CSNK2A1: variants seen among roughly 807,000 people sequenced by gnomAD.
CSNK2A1 encodes the protein casein kinase 2 alpha 1, also known as casein kinase II subunit alpha.
Under a neutral mutation model 62.9 loss-of-function variants are expected in CSNK2A1, and 10 were observed. The observed-to-expected ratio is 0.16, with a 90% CI of 0.10 to 0.27. The LOEUF (loss-of-function observed/expected upper bound fraction) is 0.27. Ranked by LOEUF, CSNK2A1 falls within the 10% of genes least tolerant of loss-of-function variation. The pLI is 1.00. For missense variants in CSNK2A1, 160 were observed against 492.0 expected, an observed-to-expected ratio of 0.33 and a Z score of 6.38; for synonymous variants, 124 against 167.8, an observed-to-expected ratio of 0.74 and a Z score of 2.02.
At chr20:490,176 C>T (rs528714474) in intron 9 of CSNK2A1, among the ~76,000 whole-genome samples, 7 of 150,038 alleles carry the variant, frequency 4.7e-5, no homozygotes, top group South Asian at 2.1e-4. Context: ...GGACTACAGG[C>T]GCGTGCCACC....
At chr20:488,894 A>C in intron 10 of CSNK2A1, 116 bp from the exon 11 acceptor site, 1 of 891,912 alleles carries the variant, frequency 1.1e-6, no homozygotes, top group South Asian at 1.7e-5. Flanking sequence ...TATGAATGCT[A>C]CCTCCTAACA....
In CSNK2A1 at chr20:499,986, A is replaced by T. The variant is rs1373211011; in HGVS notation, c.214-52T>A. ...AAAAAAAAAAAAAAAATTTTTTCAG[A>T]GTATTTCAACACGTAGTGTAATACA... On this transcript the variant is annotated intron_variant, in intron 4 of 13. Transcript: ENST00000217244. The surrounding 1 kb of genome is among the most constrained non-coding windows in gnomAD (Gnocchi z 4.2). The T allele has an allele frequency of 2.8e-6, 4 of 1,436,322 alleles. No individual in the cohort carries two copies. In the South Asian group the frequency reaches 4.7e-5, roughly 17 times the overall value. The allele number at this position is 1,436,322 out of a possible 1,614,324, so 89.0% of individuals were successfully genotyped here.
intron 4 of CSNK2A1, 67 bp from the exon 5 acceptor site, chr20:500,001 A>C: frequency 8.1e-7 from 1 of 1,235,964 alleles, no homozygotes. Context: ...TTCAACACGT[A>C]GTGTAATACA....
chr20:485,929 T>G (rs1409290245), intron 13 of CSNK2A1, among the ~76,000 whole-genome samples: 1 of 152,148 alleles, frequency 6.6e-6, no homozygotes, highest in African/African-American at 2.4e-5. Context: ...TGGAAAACCA[T>G]TTTACTTATG....
intron 13 of CSNK2A1, among the ~76,000 whole-genome samples, chr20:486,020 A>G (rs1600368644): frequency 6.6e-6 from 1 of 152,368 alleles, no homozygotes; most frequent in East Asian, 1.9e-4. Flanking sequence ...ACCTATGTAT[A>G]AACCCCACCT....
intron 1 of CSNK2A1, among the ~76,000 whole-genome samples, chr20:534,872 A>C (rs1292151217): frequency 6.8e-6 from 1 of 148,054 alleles, no homozygotes; most frequent in African/African-American, 2.5e-5. Context: ...CTACTAAAAT[A>C]CAAAAAAAAA....
chr20:502,915 C>G (rs2018500471), intron 4 of CSNK2A1: 1 of 152,224 alleles, frequency 6.6e-6, no homozygotes, highest in Admixed American at 6.5e-5. Context: ...CACTTCCACC[C>G]AACACCTATC....
At chr20:525,423 C>A (rs529327371) in intron 2 of CSNK2A1, among the ~76,000 whole-genome samples, 8 of 151,902 alleles carry the variant, frequency 5.3e-5, no homozygotes, top group Non-Finnish European at 1.2e-4. Flanking sequence ...GAGGCTGAGG[C>A]GGGCGGATCA....
intron 7 of CSNK2A1, chr20:496,771 C>T (rs1228238851): frequency 6.6e-6 from 1 of 152,220 alleles, no homozygotes; most frequent in Non-Finnish European, 1.5e-5. Context: ...TTCTAGGAAG[C>T]TGATCTTGTG....
chr20:517,824 C>T (rs948110653), intron 2 of CSNK2A1, among the ~76,000 whole-genome samples: 2 of 152,104 alleles, frequency 1.3e-5, no homozygotes, highest in Non-Finnish European at 2.9e-5. Context: ...TAAAAAAGCA[C>T]CTGATGTGCT....
chr20:541,240 A>C lies in CSNK2A1; in HGVS notation c.-227+2432T>G, dbSNP rs149358373. ...ATTCGGCCCACCCAGAAAATCCAGG[A>C]TAATTTTTCTATTTTAAGATTCTTA... is the stretch of plus-strand genomic sequence containing the variant. On this transcript the variant is annotated intron_variant, in intron 1 of 13. Coordinates refer to ENST00000217244, the MANE Select transcript of CSNK2A1 (RefSeq NM_177559.3). 3.3e-5 allele frequency: 5 copies of C among 152,132 alleles called. No homozygotes were observed. In the East Asian group the frequency reaches 7.7e-4, roughly 23 times the overall value. 9.4% of individuals were successfully genotyped at this position (152,132 alleles called of 1,614,324 possible).
chr20:499,952 C>T lies in CSNK2A1; in HGVS notation c.214-18G>A. ...TTTACTGGCTGAAAGGGGAAAAGTA[C>T]ATCAGCAAAAAAAAAAAAAAAAAAT... is the stretch of plus-strand genomic sequence containing the variant. On this transcript the variant is annotated intron_variant, in intron 4 of 13. Coordinates refer to ENST00000217244, the MANE Select transcript of CSNK2A1 (RefSeq NM_177559.3). This position sits in a 1 kb window ranked among gnomAD's most constrained non-coding sequence, Gnocchi z 4.2. The T allele has an allele frequency of 8.3e-7, 1 of 1,201,896 alleles. No homozygotes were observed. The highest frequency in any genetic ancestry group is 1.2e-6 in the Non-Finnish European group (1 of 854,536). 74.5% of individuals were successfully genotyped at this position (1,201,896 alleles called of 1,614,324 possible).
At chr20:493,924 T>C (rs1280263652) in intron 8 of CSNK2A1, among the ~76,000 whole-genome samples, 2 of 152,222 alleles carry the variant, frequency 1.3e-5, no homozygotes, top group Non-Finnish European at 2.9e-5. Flanking sequence ...TCATACTTCT[T>C]TCCTTTTTAT....
chr20:510,297 TC>T (rs1376920927), intron 2 of CSNK2A1: 1 of 151,996 alleles, frequency 6.6e-6, no homozygotes, highest in African/African-American at 2.4e-5. Context: ...TGCCTCAGCC[TC>T]CCGAGTAGCT....
In CSNK2A1 at chr20:499,777, C is replaced by T; in HGVS notation, c.315+56G>A. On this transcript the variant is annotated intron_variant, in intron 5 of 13. Transcript: ENST00000217244. The surrounding 1 kb of genome is among the most constrained non-coding windows in gnomAD (Gnocchi z 4.2). The stretch of plus-strand genomic sequence containing the variant: ...GGAACAAAAAGAGGCCAGTTGTGCT[C>T]CAGGTCAAACACCATCTCAGCTCTG... 1 of 1,550,932 alleles carries T rather than the reference C, an allele frequency of 6.4e-7. No homozygotes were observed. The highest frequency in any genetic ancestry group is 8.9e-7 in the Non-Finnish European group (1 of 1,126,118).
rs1458951865 is a variant in CSNK2A1 at position 483,569 on chromosome 20, TG to T, written c.*391del. 1 of 153,424 alleles carries T rather than the reference TG, an allele frequency of 6.5e-6. No homozygotes were observed. The highest frequency in any genetic ancestry group is 1.5e-5 in the Non-Finnish European group (1 of 68,768). The allele number at this position is 153,424 out of a possible 1,614,324, so 9.5% of individuals were successfully genotyped here. ...CACGAGATACCAACCCCCTAAAGTG[TG>T]GGACGGTGGAGGAACAATGGTGGGA... On this transcript the variant is annotated 3_prime_UTR_variant, in exon 14 of 14. Coordinates refer to ENST00000217244, the MANE Select transcript of CSNK2A1 (RefSeq NM_177559.3).
intron 4 of CSNK2A1, chr20:503,633 C>A: frequency 2.5e-6 from 1 of 398,090 alleles, no homozygotes; most frequent in South Asian, 1.3e-4. Context: ...GTGTTATACT[C>A]CTCGCGATGG....
chr20:514,465 C>T (rs779521009), intron 2 of CSNK2A1, among the ~76,000 whole-genome samples: 4 of 151,940 alleles, frequency 2.6e-5, no homozygotes, highest in Non-Finnish European at 4.4e-5. Context: ...CAGGGTCTTG[C>T]GCTGTCACCC....
chr20:514,209 T>A (rs899134582), intron 2 of CSNK2A1, among the ~76,000 whole-genome samples: 1 of 151,622 alleles, frequency 6.6e-6, no homozygotes, highest in South Asian at 2.1e-4. Context: ...CTGGGTGTAG[T>A]GGAGTACAAC....
Sources: gnomAD v4.1 joint callset for allele counts (sites outside exome capture counted in the v4.1 genomes callset) on GRCh38, gnomAD v4.1.1 for gene constraint, Gnocchi (gnomAD v3.1) non-coding constraint, MANE v1.5 for transcripts, NCBI Gene and HGNC (gene_info 2026-07-23, HGNC 2026-07-21) for gene names.